The following TENM1 variants were observed in gnomAD, a reference collection of about 807,000 sequenced individuals.
TENM1 encodes the protein teneurin-1.
A neutral mutation model predicts 174.8 loss-of-function variants in TENM1; 35 were observed. The observed-to-expected ratio is 0.20, with a 90% confidence interval of 0.15 to 0.27. The LOEUF is 0.27. Among genes scored for constraint, TENM1 ranks in the 10% least tolerant of loss-of-function variants. TENM1 has a pLI of 1.00. For missense variants in TENM1, 1,633 were observed against 2,130.1 expected, an observed-to-expected ratio of 0.77 and a Z score of 4.59; for synonymous variants, 781 against 798.7, an observed-to-expected ratio of 0.98 and a Z score of 0.37.
chrX:124,634,678 A>G (rs1349455244), intron 11 of TENM1, among the ~76,000 whole-genome samples: 1 of 112,239 alleles, frequency 8.9e-6, no homozygotes, highest in African/African-American at 3.2e-5. Context: ...AAATTGCAGT[A>G]AAGTGATGCA....
At chrX:124,691,417 CAA>C (rs2052518918) in intron 5 of TENM1, among the ~76,000 whole-genome samples, 1 of 111,715 alleles carries the variant, frequency 9.0e-6, no homozygotes, top group African/African-American at 3.3e-5. Context: ...AAGAGAAAAA[CAA>C]AAGAAAACTA....
intron 11 of TENM1, among the ~76,000 whole-genome samples, chrX:124,586,422 A>G (rs1345544418): frequency 9.2e-6 from 1 of 109,168 alleles, no homozygotes; most frequent in Non-Finnish European, 1.9e-5. Context: ...TATAAACAGA[A>G]CCAAAGACAA....
chrX:124,933,290 A>C (rs768415937), intron 1 of TENM1, among the ~76,000 whole-genome samples: 17 of 112,324 alleles, frequency 1.5e-4, no homozygotes, highest in Non-Finnish European at 1.9e-4. Context: ...GCCAGCAGCC[A>C]AAGGAAGAAA....
At chrX:124,909,478 C>A (rs1322012982) in intron 1 of TENM1, among the ~76,000 whole-genome samples, 1 of 112,194 alleles carries the variant, frequency 8.9e-6, no homozygotes, top group African/African-American at 3.2e-5. Flanking sequence ...AGACAATGGG[C>A]ACTTCTTTTG....
intron 5 of TENM1, among the ~76,000 whole-genome samples, chrX:124,698,659 C>A (rs1380969982): frequency 9.0e-6 from 1 of 111,459 alleles, no homozygotes; most frequent in Non-Finnish European, 1.9e-5. Context: ...TCCATTTGTT[C>A]TGGGAATAAA....
At chrX:125,161,762 A>G in the TENM1 span, among the ~76,000 whole-genome samples, 1 of 112,400 alleles carries the variant, frequency 8.9e-6, no homozygotes, top group Admixed American at 9.4e-5. Context: ...TGAATTTTAT[A>G]CTTTAAATGG....
At chrX:124,863,520 G>A (rs753328725) in intron 3 of TENM1, among the ~76,000 whole-genome samples, 12 of 112,194 alleles carry the variant, frequency 1.1e-4, no homozygotes, top group African/African-American at 3.6e-4. Flanking sequence ...ACTACCAGGC[G>A]AGGTTCCTCT....
chrX:124,778,831 T>C lies in TENM1; in HGVS notation c.536-41634A>G, dbSNP rs1345995878. 3.6e-5 allele frequency among the ~76,000 whole-genome samples: 4 copies of C among 112,366 alleles called. No homozygotes were observed. The Admixed American group carries it at 3.8e-4, about 11-fold the overall frequency. On this transcript the variant is annotated intron_variant, in intron 3 of 31. Coordinates refer to ENST00000422452, the Ensembl canonical transcript of TENM1. Reference sequence around the variant, plus strand: ...CCTTGAAATTGTAGAATCTGTATGGTTTACTGCTTTATTTGAACTTGATTT... The same window carrying C: ...CCTTGAAATTGTAGAATCTGTATGGCTTACTGCTTTATTTGAACTTGATTT...
chrX:125,195,445 TC>T, the TENM1 span, among the ~76,000 whole-genome samples: 1 of 112,003 alleles, frequency 8.9e-6, no homozygotes, highest in Non-Finnish European at 1.9e-5. Flanking sequence ...TTAAAATACT[TC>T]CCTTGCACTG....
chrX:124,911,261 A>C (rs1189239930), intron 1 of TENM1, among the ~76,000 whole-genome samples: 1 of 111,504 alleles, frequency 9.0e-6, no homozygotes, highest in Non-Finnish European at 1.9e-5. Context: ...TCATGCCCTC[A>C]GTCCATATGT....
intron 14 of TENM1, among the ~76,000 whole-genome samples, chrX:124,548,836 T>C (rs992694371): frequency 9.1e-6 from 1 of 110,310 alleles, no homozygotes; most frequent in Non-Finnish European, 1.9e-5. Flanking sequence ...ACCAAGAGAG[T>C]AGACGTTTGG....
chrX:124,846,047 T>A (rs1203205513), intron 3 of TENM1, among the ~76,000 whole-genome samples: 1 of 110,379 alleles, frequency 9.1e-6, no homozygotes, highest in East Asian at 2.9e-4. Context: ...TATTTCTTCT[T>A]AGGGGGAGTG....
chrX:125,039,825 C>A, the TENM1 span, among the ~76,000 whole-genome samples: 1 of 111,349 alleles, frequency 9.0e-6, no homozygotes, highest in African/African-American at 3.3e-5. Flanking sequence ...TGAGCCTTTT[C>A]TTATTAACCT....
At chrX:125,176,288 C>T in the TENM1 span, among the ~76,000 whole-genome samples, 1 of 111,894 alleles carries the variant, frequency 8.9e-6, no homozygotes, top group African/African-American at 3.2e-5. Flanking sequence ...AAAGCCCATT[C>T]ATTTGTAAGA....
intron 3 of TENM1, among the ~76,000 whole-genome samples, chrX:124,804,312 G>A (rs1051108948): frequency 1.7e-4 from 19 of 111,924 alleles, no homozygotes; most frequent in Admixed American, 1.5e-3. Flanking sequence ...TCCTACACTT[G>A]GTGATTATTC....
exon 30 of TENM1, chrX:124,383,999 G>C (rs1485918162): frequency 8.3e-7 from 1 of 1,209,871 alleles, no homozygotes; most frequent in Non-Finnish European, 1.1e-6. Flanking sequence ...TAACTCCATG[G>C]CAATAAGGTG....
chrX:124,874,132 T>C (rs1413069937), intron 3 of TENM1, among the ~76,000 whole-genome samples: 1 of 111,887 alleles, frequency 8.9e-6, no homozygotes, highest in Non-Finnish European at 1.9e-5. Context: ...ATCTGTAGGA[T>C]AAATTTCAAG....
the TENM1 span, among the ~76,000 whole-genome samples, chrX:125,005,371 C>T: frequency 9.4e-6 from 1 of 106,043 alleles, no homozygotes; most frequent in African/African-American, 3.5e-5. Context: ...TGCAGTATTT[C>T]CCCAGTGTAT....
chrX:125,134,809 T>C, the TENM1 span, among the ~76,000 whole-genome samples: 5 of 112,086 alleles, frequency 4.5e-5, no homozygotes, highest in African/African-American at 1.3e-4. Context: ...GTTCTCATAA[T>C]AGAAACAAAT....
Sources: gnomAD v4.1 joint callset for allele counts (sites outside exome capture counted in the v4.1 genomes callset) on GRCh38, gnomAD v4.1.1 for gene constraint, MANE v1.5 for transcripts, NCBI Gene and HGNC (gene_info 2026-07-23, HGNC 2026-07-21) for gene names.